MOB2: variants seen among roughly 807,000 people sequenced by gnomAD.
The protein encoded by MOB2 is MOB kinase activator 2.
In MOB2, 14 loss-of-function variants were observed where a neutral mutation model predicts 27.4. The ratio of observed to expected loss-of-function variants is 0.51; its 90% CI spans 0.34 to 0.80. The LOEUF is 0.80. MOB2 is among the 30% of genes least tolerant of loss of function. The probability of loss-of-function intolerance (pLI) is 0.01; values close to 1 mark genes in which losing one functional copy is unlikely to be tolerated. For missense variants in MOB2, 304 were observed against 354.6 expected, an observed-to-expected ratio of 0.86 and a Z score of 1.15; for synonymous variants, 167 against 151.8, an observed-to-expected ratio of 1.10 and a Z score of -0.74.
At chr11:1,471,177 G>T in intron 4 of MOB2, 118 bp downstream of exon 4, 1 of 1,370,374 alleles carries the variant, frequency 7.3e-7, no homozygotes, top group Non-Finnish European at 9.8e-7. Context: ...GGGTGGTGCA[G>T]CTGCCGCCCT....
Position 1,469,950 on chromosome 11 carries a change from A to C in MOB2, c.*222T>G, listed in dbSNP as rs1232299416. 2.7e-6 allele frequency: 3 copies of C among 1,116,078 alleles called. No homozygotes were observed. Among genetic ancestry groups the C allele is most frequent in the Non-Finnish European group, 3.9e-6 (3 of 764,628 alleles). The allele number at this position is 1,116,078 out of a possible 1,614,324, so 69.1% of individuals were successfully genotyped here. A position where few individuals can be genotyped will look rare whatever the true frequency, so the allele number is the denominator to read the frequency against. ...TCTGCTGAACGAGTGAATGGGCCCA[A>C]AGGCTCTTCTCTACAAACGGCACGC... is the stretch of plus-strand genomic sequence containing the variant. On this transcript the variant is annotated 3_prime_UTR_variant, in exon 5 of 5. Transcript: ENST00000329957.
chr11:1,484,771 C>T (rs1218898933), intron 1 of MOB2, among the ~76,000 whole-genome samples: 11 of 152,168 alleles, frequency 7.2e-5, no homozygotes, highest in East Asian at 5.8e-4. Context: ...TTCTGTCACA[C>T]GGCCTCAGGC....
Position 1,469,997 on chromosome 11 carries a change from A to G in MOB2, c.*175T>C. 2 of 1,504,808 alleles carry G rather than the reference A, an allele frequency of 1.3e-6. No individual in the cohort carries two copies. Among genetic ancestry groups the G allele is most frequent in the South Asian group, 1.2e-5 (1 of 82,638 alleles). The allele number at this position is 1,504,808 out of a possible 1,614,324, so 93.2% of individuals were successfully genotyped here. The stretch of plus-strand genomic sequence containing the variant: ...ACGCATCCATCCGACAGGGGGCCAC[A>G]GGACACGGCCGGGGCCGTCTGCGTC... On this transcript the variant is annotated 3_prime_UTR_variant, in exon 5 of 5. Transcript: ENST00000329957.
chr11:1,470,284 T>C lies in MOB2; in HGVS notation c.695A>G (p.Asp232Gly). ...LLDPKETAIM[D>G]DLTEVLCSGA... is the part of the protein sequence containing the mutation. ...GCTGCATAGCACCTCGGTGAGGTCGTCCATGATGGCGGTCTCTTTGGGGTC... is the reference window on the plus strand; with the variant it reads ...GCTGCATAGCACCTCGGTGAGGTCGCCCATGATGGCGGTCTCTTTGGGGTC... Residue 232 changes from aspartate to glycine, a missense_variant, in exon 5 of 5, where the codon GAC becomes GGC. By Grantham distance (94) the Asp-to-Gly change is moderately conservative. Transcript: ENST00000329957. 1 of 1,613,108 alleles carries C rather than the reference T, an allele frequency of 6.2e-7. No individual in the cohort carries two copies. The highest frequency in any genetic ancestry group is 8.5e-7 in the Non-Finnish European group (1 of 1,179,866).
At chr11:1,471,681 G>A (rs1160793324) in intron 3 of MOB2, 11 of 412,974 alleles carry the variant, frequency 2.7e-5, no homozygotes, top group Middle Eastern at 6.2e-4. Context: ...CCACATGGCT[G>A]TACAGGTGTG....
chr11:1,484,659 C>T (rs1012482882), intron 1 of MOB2, among the ~76,000 whole-genome samples: 2 of 152,144 alleles, frequency 1.3e-5, no homozygotes, highest in African/African-American at 4.8e-5. Flanking sequence ...CACCCCCACC[C>T]CTACATTTCT....
chr11:1,475,165 G>A (rs185571259), intron 3 of MOB2, among the ~76,000 whole-genome samples: 64 of 152,276 alleles, frequency 4.2e-4, no homozygotes, highest in Admixed American at 1.1e-3. Context: ...ACTAAGGATC[G>A]CATTATTTTT....
chr11:1,479,856 G>A (rs959157119), intron 3 of MOB2, among the ~76,000 whole-genome samples: 4 of 152,234 alleles, frequency 2.6e-5, no homozygotes, highest in Admixed American at 1.3e-4. Flanking sequence ...CAGGCCTGGC[G>A]GCGCTCCTTC....
At chr11:1,477,802 A>C (rs1257528790) in intron 3 of MOB2, among the ~76,000 whole-genome samples, 1 of 152,194 alleles carries the variant, frequency 6.6e-6, no homozygotes, top group African/African-American at 2.4e-5. Context: ...AAATACAACA[A>C]ATGAGCTTCT....
intron 3 of MOB2, chr11:1,471,738 T>G: frequency 3.7e-6 from 1 of 270,756 alleles, no homozygotes; most frequent in Non-Finnish European, 7.0e-6. Flanking sequence ...TCTACATGGC[T>G]TCAGTTGTAT....
In MOB2 at chr11:1,480,794, C is replaced by T. The variant is rs189715976; in HGVS notation, c.202G>A (p.Asp68Asn). ...EPEHTKARIT[D>N]FQFKELVVLP... Reference sequence around the variant, plus strand: ...ACCACCAGCTCCTTGAACTGGAAGTCGGTGATCCTGGCCTTGGTGTGCTCA... The same window carrying T: ...ACCACCAGCTCCTTGAACTGGAAGTTGGTGATCCTGGCCTTGGTGTGCTCA... Residue 68 changes from aspartate (D) to asparagine (N), a missense_variant, in exon 2 of 5, where the codon GAC becomes AAC. Physicochemically the swap from Asp to Asn is conservative, Grantham distance 23. Transcript: ENST00000329957. 1.0e-5 allele frequency: 16 copies of T among 1,599,066 alleles called. No homozygotes were observed. Among genetic ancestry groups the T allele is most frequent in the African/African-American group, 5.3e-5 (4 of 74,778 alleles).
intron 4 of MOB2, 24 bp from the exon 5 acceptor site, chr11:1,470,512 AGCT>A: frequency 6.2e-7 from 1 of 1,601,690 alleles, no homozygotes; most frequent in South Asian, 1.1e-5. Flanking sequence ...CCGTGTCACA[AGCT>A]GCAGACATCC....
chr11:1,471,204 C>T, intron 4 of MOB2, 91 bp downstream of exon 4: 1 of 1,482,960 alleles, frequency 6.7e-7, no homozygotes. Flanking sequence ...CTCTGCCCCT[C>T]CCGGCACAGG....
rs774219674 is a variant in MOB2, at chr11:1,470,512, A to C, written c.491-24T>G. The C allele has an allele frequency of 7.5e-6, 12 of 1,601,572 alleles. No homozygotes were observed. In the African/African-American group the frequency reaches 1.5e-4, roughly 20 times the overall value. ...GCCTGGGGAAGGCCACCGTGTCACA[A>C]GCTGCAGACATCCCTTGGCCCCAAC... On this transcript the variant is annotated intron_variant, in intron 4 of 4. Coordinates refer to ENST00000329957, the MANE Select transcript of MOB2 (RefSeq NM_001172223.3).
In MOB2 at chr11:1,480,483, G is replaced by A. The variant is rs1198772605; in HGVS notation, c.275C>T (p.Thr92Met). The change falls in exon 3 of 5, where the codon ACG (threonine) becomes ATG (methionine). Residue 92 changes from threonine (T) to methionine (M), a missense_variant. Transcript: ENST00000329957. The stretch of plus-strand genomic sequence containing the variant: ...CAGGTTGATGTGGTGGAAAAACGTC[G>A]TGGCTGGAAGAGAAGAGAAGGAGCC... ...DLNEWLASNT[T>M]TFFHHINLQY... The A allele has an allele frequency of 6.8e-6, 11 of 1,613,700 alleles. No individual in the cohort carries two copies. Among genetic ancestry groups the A allele is most frequent in the South Asian group, 1.1e-5 (1 of 91,080 alleles).
intron 1 of MOB2, chr11:1,481,124 A>G (rs1466259837): frequency 1.5e-6 from 1 of 646,792 alleles, no homozygotes; most frequent in Non-Finnish European, 2.8e-6. Flanking sequence ...TGGCGCTCCC[A>G]CTTGCCACAC....
chr11:1,481,752 G>T (rs1421584511), intron 1 of MOB2, among the ~76,000 whole-genome samples: 2 of 149,916 alleles, frequency 1.3e-5, no homozygotes. Flanking sequence ...GGAGGGGCAG[G>T]GGCAGGGGCA....
intron 3 of MOB2, among the ~76,000 whole-genome samples, chr11:1,478,622 G>T (rs1428418208): frequency 5.9e-5 from 9 of 152,190 alleles, no homozygotes; most frequent in Non-Finnish European, 1.3e-4. Context: ...TTTGCCCCCA[G>T]TTCTCAGCAT....
chr11:1,480,944 CG>C, intron 1 of MOB2, 59 bp from the exon 2 acceptor site: 1 of 1,533,560 alleles, frequency 6.5e-7, no homozygotes, highest in South Asian at 1.2e-5. Flanking sequence ...AGGGTCTGCC[CG>C]GGGGGTCAGT....
Sources: allele counts gnomAD v4.1 joint callset (sites outside exome capture counted in the v4.1 genomes callset), GRCh38; gene constraint gnomAD v4.1.1; transcripts MANE v1.5; gene names NCBI Gene and HGNC (gene_info 2026-07-23, HGNC 2026-07-21).